Variants in PTPRD observed in about 807,000 individuals in gnomAD.
PTPRD encodes receptor-type tyrosine-protein phosphatase delta.
PTPRD carries 34 observed loss-of-function variants against 214.5 expected under a neutral mutation model. The observed-to-expected ratio is 0.16, with a 90% CI of 0.12 to 0.21. The LOEUF (loss-of-function observed/expected upper bound fraction) is 0.21. Ranked by LOEUF, PTPRD falls within the 10% of genes least tolerant of loss-of-function variation. PTPRD has a pLI of 1.00. For synonymous variants in PTPRD, 1,128 were observed against 845.7 expected, an observed-to-expected ratio of 1.33 and a Z score of -5.79; for missense variants, 2,545 against 2,398.7, an observed-to-expected ratio of 1.06 and a Z score of -1.27.
chr9:8,475,684 G>A (rs2096749316), intron 30 of PTPRD, among the ~76,000 whole-genome samples: 2 of 152,146 alleles, frequency 1.3e-5, no homozygotes, highest in Non-Finnish European at 2.9e-5. Context: ...CCATTTCAGT[G>A]CACAAGCCAG....
At chr9:9,272,421 G>A (rs780122150) in intron 9 of PTPRD, among the ~76,000 whole-genome samples, 11 of 151,232 alleles carry the variant, frequency 7.3e-5, no homozygotes, top group Non-Finnish European at 1.2e-4. Context: ...AAGCAGTACT[G>A]TTGGGTACTG....
chr9:9,577,411 A>G (rs2089252672), intron 7 of PTPRD, among the ~76,000 whole-genome samples: 1 of 151,950 alleles, frequency 6.6e-6, no homozygotes, highest in African/African-American at 2.4e-5. Context: ...AAAAAAATAC[A>G]AAAATTAGCC....
At chr9:8,486,418 G>T in intron 27 of PTPRD, 69 bp from the exon 28 acceptor site, 2 of 1,327,118 alleles carry the variant, frequency 1.5e-6, no homozygotes, top group Non-Finnish European at 1.1e-6. Context: ...ATTGCCAAAT[G>T]AGGGAGTTCC....
intron 11 of PTPRD, among the ~76,000 whole-genome samples, chr9:8,866,217 G>A (rs189318762): frequency 3.0e-4 from 46 of 152,212 alleles, no homozygotes; most frequent in African/African-American, 1.1e-3. Context: ...TTTCCCAACT[G>A]TGTGATTACT....
chr9:9,981,691 C>T (rs543106296), intron 4 of PTPRD, among the ~76,000 whole-genome samples: 2 of 152,022 alleles, frequency 1.3e-5, no homozygotes, highest in East Asian at 1.9e-4. Flanking sequence ...TGAGTGCAAG[C>T]GCATTAAATT....
At chr9:8,705,134 C>T (rs537439160) in intron 12 of PTPRD, among the ~76,000 whole-genome samples, 7 of 152,210 alleles carry the variant, frequency 4.6e-5, no homozygotes, top group South Asian at 2.1e-4. Flanking sequence ...CTCCCTGACC[C>T]AAGGATTTTC....
rs1488101169 is a variant in PTPRD at position 10,026,271 on chromosome 9, G to C, written c.-472+7447C>G. On this transcript the variant is annotated intron_variant, in intron 4 of 45. Transcript: ENST00000381196. ...AGAAATAGTACAAAGATTGAACAAGGAGATGGAAAGAAGCTGATGACTCCA... is the reference window on the plus strand; with the variant it reads ...AGAAATAGTACAAAGATTGAACAAGCAGATGGAAAGAAGCTGATGACTCCA... 2.0e-5 allele frequency among the ~76,000 whole-genome samples: 3 copies of C among 152,186 alleles called. 1 individual carries two copies. The highest frequency in any genetic ancestry group is 7.2e-5 in the African/African-American group (3 of 41,448).
intron 14 of PTPRD, among the ~76,000 whole-genome samples, chr9:8,628,620 A>G (rs1307954556): frequency 3.3e-5 from 5 of 151,694 alleles, no homozygotes; most frequent in Non-Finnish European, 7.4e-5. Context: ...AGGCCAAAAA[A>G]AAAAAAAAGA....
intron 5 of PTPRD, among the ~76,000 whole-genome samples, chr9:9,897,120 T>C (rs1251942008): frequency 2.8e-5 from 2 of 71,246 alleles, no homozygotes; most frequent in Non-Finnish European, 5.4e-5. Flanking sequence ...AACAAAAACA[T>C]CTCTTACACT....
intron 12 of PTPRD, among the ~76,000 whole-genome samples, chr9:8,699,601 T>C (rs1027710864): frequency 2.6e-5 from 4 of 152,190 alleles, no homozygotes; most frequent in African/African-American, 9.7e-5. Context: ...GATTTGTGAT[T>C]CTACTTGGTT....
chr9:9,682,933 A>G (rs1430343544), intron 7 of PTPRD, among the ~76,000 whole-genome samples: 1 of 151,750 alleles, frequency 6.6e-6, no homozygotes, highest in African/African-American at 2.4e-5. Context: ...ATGCCACTGG[A>G]AAGAGCTTTA....
intron 9 of PTPRD, among the ~76,000 whole-genome samples, chr9:9,382,986 A>G (rs2062787357): frequency 6.6e-6 from 1 of 152,124 alleles, no homozygotes; most frequent in Non-Finnish European, 1.5e-5. Flanking sequence ...ATAAAAGAAG[A>G]AAATCTTGTC....
chr9:9,958,574 CTT>C (rs1174013820), intron 4 of PTPRD, among the ~76,000 whole-genome samples: 2 of 152,026 alleles, frequency 1.3e-5, no homozygotes, highest in African/African-American at 4.8e-5. Flanking sequence ...AAACAAAAGA[CTT>C]ATGCTGTGTA....
chr9:10,002,591 A>G (rs1300928583), intron 4 of PTPRD, among the ~76,000 whole-genome samples: 1 of 151,328 alleles, frequency 6.6e-6, no homozygotes, highest in East Asian at 1.9e-4. Context: ...CTAGCACAAA[A>G]GAAGAATATT....
At chr9:9,621,832 G>A (rs1216005670) in intron 7 of PTPRD, among the ~76,000 whole-genome samples, 1 of 152,164 alleles carries the variant, frequency 6.6e-6, no homozygotes, top group African/African-American at 2.4e-5. Flanking sequence ...GGAGTGTGCT[G>A]CCTGTGGTGT....
chr9:8,842,725 T>G (rs1325647726), intron 11 of PTPRD, among the ~76,000 whole-genome samples: 1 of 152,206 alleles, frequency 6.6e-6, no homozygotes, highest in Non-Finnish European at 1.5e-5. Context: ...GAGATGTGCT[T>G]GTCAGCATTA....
intron 3 of PTPRD, among the ~76,000 whole-genome samples, chr9:10,208,286 G>T (rs1383669268): frequency 1.3e-5 from 2 of 152,216 alleles, no homozygotes; most frequent in Non-Finnish European, 2.9e-5. Context: ...TGGCCGAGGA[G>T]GGCGGATCAC....
intron 11 of PTPRD, among the ~76,000 whole-genome samples, chr9:8,772,299 C>G (rs1041958549): frequency 3.3e-5 from 5 of 152,048 alleles, no homozygotes; most frequent in African/African-American, 1.2e-4. Flanking sequence ...TCACCTCAGA[C>G]AGTGTAGTTT....
At position 8,713,207 on chromosome 9, in the gene PTPRD, G is replaced by C. The variant is rs577725272; in HGVS notation, c.64+20573C>G. On this transcript the variant is annotated intron_variant, in intron 12 of 45. Transcript: ENST00000381196. ...AATTTCAGGGTCAAACATTTGATCT[G>C]AAATTTGGTATCCAGTTCGCTCCTA... The C allele has an allele frequency of 3.8e-5, 22 of 579,464 alleles. No homozygotes were observed. The South Asian group carries it at 4.3e-4, about 11-fold the overall frequency. The allele number at this position is 579,464 out of a possible 1,614,324, so 35.9% of individuals were successfully genotyped here.
Sources: gnomAD v4.1 joint callset for allele counts (sites outside exome capture counted in the v4.1 genomes callset) on GRCh38, gnomAD v4.1.1 for gene constraint, MANE v1.5 for transcripts, NCBI Gene and HGNC (gene_info 2026-07-23, HGNC 2026-07-21) for gene names.